Variants in WDPCP observed in about 807,000 individuals in gnomAD.
WDPCP encodes WD repeat-containing and planar cell polarity effector protein fritz homolog.
A neutral mutation model predicts 93.1 loss-of-function variants in WDPCP; 71 were observed. The ratio of observed to expected loss-of-function variants is 0.76; its 90% confidence interval spans 0.63 to 0.93. The LOEUF (loss-of-function observed/expected upper bound fraction) is 0.93. Ranked by LOEUF, WDPCP falls within the 40% of genes least tolerant of loss-of-function variation. WDPCP has a pLI of 0.00. For missense variants in WDPCP, 844 were observed against 887.4 expected (o/e 0.95, Z 0.62); for synonymous variants, 315 against 315.0 (o/e 1.00, Z 0.00).
chr2:63,435,658 A>T (rs1308782761), intron 8 of WDPCP, among the ~76,000 whole-genome samples: 1 of 152,158 alleles, frequency 6.6e-6, no homozygotes, highest in African/African-American at 2.4e-5. Context: ...TATGAGTTTA[A>T]TATTATCAGT....
intron 13 of WDPCP, among the ~76,000 whole-genome samples, chr2:63,278,780 C>G (rs1178342480): frequency 2.0e-5 from 3 of 152,146 alleles, no homozygotes; most frequent in Non-Finnish European, 4.4e-5. Context: ...GAGCCAAGAT[C>G]ATGCCACTGC....
chr2:63,521,315 C>T (rs1308929980), intron 1 of WDPCP, among the ~76,000 whole-genome samples: 1 of 152,174 alleles, frequency 6.6e-6, no homozygotes, highest in Non-Finnish European at 1.5e-5. Flanking sequence ...AGAAACTCGT[C>T]TCACATGGCA....
At chr2:63,198,357 C>G (rs1307261030) in intron 14 of WDPCP, among the ~76,000 whole-genome samples, 2 of 152,090 alleles carry the variant, frequency 1.3e-5, no homozygotes, top group Non-Finnish European at 2.9e-5. Flanking sequence ...GTTCTTTTTA[C>G]TATTCTTTTG....
chr2:63,544,705 T>C (rs1447478925), intron 1 of WDPCP, among the ~76,000 whole-genome samples: 1 of 152,156 alleles, frequency 6.6e-6, no homozygotes, highest in African/African-American at 2.4e-5. Context: ...TCACTCAGAA[T>C]CATATTTTAA....
At chr2:63,691,873 AGTGTGTGTGTGT>A (rs71393325) in intron 2 of WDPCP, among the ~76,000 whole-genome samples, 201 of 145,188 alleles carry the variant, frequency 1.4e-3, no homozygotes, top group African/African-American at 4.3e-3. Context: ...TATACTACAA[AGTGTGTGTGTGT>A]GTGTGTGTGT....
intron 1 of WDPCP, among the ~76,000 whole-genome samples, chr2:63,826,087 T>C (rs922458265): frequency 6.6e-6 from 1 of 152,136 alleles, no homozygotes; most frequent in Non-Finnish European, 1.5e-5. Context: ...CTTGCTCAAT[T>C]CAATGCCATT....
intron 2 of WDPCP, among the ~76,000 whole-genome samples, chr2:63,740,550 A>C (rs565127146): frequency 1.2e-4 from 18 of 152,310 alleles, no homozygotes; most frequent in African/African-American, 4.3e-4. Context: ...GTCTAAGTGA[A>C]TATTCCTCCT....
intron 2 of WDPCP, among the ~76,000 whole-genome samples, chr2:63,655,203 A>C (rs892068351): frequency 6.6e-6 from 1 of 152,214 alleles, no homozygotes; most frequent in African/African-American, 2.4e-5. Flanking sequence ...TAACCCAGAG[A>C]AAGTGTGACT....
intron 2 of WDPCP, among the ~76,000 whole-genome samples, chr2:63,492,547 T>C (rs1700956513): frequency 6.6e-6 from 1 of 152,054 alleles, no homozygotes; most frequent in African/African-American, 2.4e-5. Context: ...CTCTGTCACC[T>C]GGGCTAGAGC....
chr2:63,192,741 A>G lies in WDPCP; in HGVS notation c.1916-17909T>C, dbSNP rs554733200. 5.3e-5 allele frequency among the ~76,000 whole-genome samples: 8 copies of G among 152,368 alleles called. No individual in the cohort carries two copies. The South Asian group carries it at 1.7e-3, about 32-fold the overall frequency. On this transcript the variant is annotated intron_variant, in intron 14 of 17. Coordinates refer to ENST00000272321, the MANE Select transcript of WDPCP (RefSeq NM_015910.7). ...ATTGCTGTTATACATTTGTCTTCTG[A>G]AATAAATGGCACTGTTTCTCTGGTG...
chr2:63,734,870 T>TAGACAGAC (rs10586648), intron 2 of WDPCP, among the ~76,000 whole-genome samples: 11,606 of 141,344 alleles, frequency 0.082, 609 homozygotes, highest in Admixed American at 0.15. Context: ...GATAGATAGA[T>TAGACAGAC]AGACAGACAG....
At chr2:63,528,333 G>T (rs1249619599) in intron 1 of WDPCP, among the ~76,000 whole-genome samples, 1 of 152,092 alleles carries the variant, frequency 6.6e-6, no homozygotes, top group Non-Finnish European at 1.5e-5. Context: ...TTTCTGCTAG[G>T]GTTTTTATGG....
At chr2:63,325,347 G>A (rs975812392) in intron 12 of WDPCP, among the ~76,000 whole-genome samples, 1 of 152,176 alleles carries the variant, frequency 6.6e-6, no homozygotes, top group African/African-American at 2.4e-5. Context: ...ATCACTGGAA[G>A]GCACACTGTC....
chr2:63,724,079 T>C (rs1166704018), intron 2 of WDPCP, among the ~76,000 whole-genome samples: 1 of 152,238 alleles, frequency 6.6e-6, no homozygotes, highest in African/African-American at 2.4e-5. Flanking sequence ...GAGCAGTTTC[T>C]ATGAGAGATA....
chr2:63,292,356 C>A (rs1396251684), intron 13 of WDPCP, among the ~76,000 whole-genome samples: 4 of 84,674 alleles, frequency 4.7e-5, no homozygotes, highest in African/African-American at 2.3e-4. Flanking sequence ...ATTTTCTATC[C>A]TAACAGTTTT....
In WDPCP at chr2:63,597,490, G is replaced by T. The variant is rs767517310; in HGVS notation, n.488+53169C>A. The T allele has an allele frequency of 5.9e-6, 9 of 1,526,392 alleles. No individual in the cohort carries two copies. The Admixed American group carries it at 1.6e-4, about 27-fold the overall frequency. 94.6% of individuals were successfully genotyped at this position (1,526,392 alleles called of 1,614,324 possible). On this transcript the variant is annotated intron_variant and non_coding_transcript_variant, in intron 3 of 4. Transcript: ENST00000467687. ...CCATGCCAAGAAGGGAAGGCATGGAGAGAAAAGATTTACTGAAAGCAAATG... is the reference window on the plus strand; with the variant it reads ...CCATGCCAAGAAGGGAAGGCATGGATAGAAAAGATTTACTGAAAGCAAATG...
intron 2 of WDPCP, among the ~76,000 whole-genome samples, chr2:63,747,945 A>G (rs1277818587): frequency 2.6e-5 from 4 of 152,112 alleles, no homozygotes; most frequent in African/African-American, 7.2e-5. Flanking sequence ...AGATTAATAC[A>G]TAGGTATTTT....
intron 2 of WDPCP, among the ~76,000 whole-genome samples, chr2:63,679,481 C>T (rs187843811): frequency 3.8e-4 from 58 of 152,288 alleles, no homozygotes; most frequent in Admixed American, 7.2e-4. Flanking sequence ...ATCTGTCTGA[C>T]AGTCCTGGTT....
intron 1 of WDPCP, among the ~76,000 whole-genome samples, chr2:63,575,505 A>ACAGTGCATG (rs1491111427): frequency 2.9e-4 from 4 of 13,800 alleles, no homozygotes; most frequent in Non-Finnish European, 4.7e-4. Context: ...TACAGTATAT[A>ACAGTGCATG]CACTGTATAT....
Sources: gnomAD v4.1 joint callset for allele counts (sites outside exome capture counted in the v4.1 genomes callset) on GRCh38, gnomAD v4.1.1 for gene constraint, MANE v1.5 for transcripts, NCBI Gene and HGNC (gene_info 2026-07-23, HGNC 2026-07-21) for gene names.